The following PPM1L variants were observed in gnomAD, a reference collection of about 807,000 sequenced individuals.
PPM1L encodes the protein protein phosphatase, Mg2+/Mn2+ dependent 1L.
Under a neutral mutation model 31.4 loss-of-function variants are expected in PPM1L, and 13 were observed. The ratio of observed to expected loss-of-function variants is 0.41; its 90% CI spans 0.27 to 0.66. PPM1L has a LOEUF of 0.66. Ranked by LOEUF, PPM1L falls within the 30% of genes least tolerant of loss-of-function variation. PPM1L has a pLI of 0.29. For missense variants in PPM1L, 326 were observed against 453.7 expected, an observed-to-expected ratio of 0.72 and a Z score of 2.56; for synonymous variants, 184 against 175.4, an observed-to-expected ratio of 1.05 and a Z score of -0.39.
At chr3:161,000,675 A>G (rs1717452303) in intron 2 of PPM1L, among the ~76,000 whole-genome samples, 1 of 152,212 alleles carries the variant, frequency 6.6e-6, no homozygotes, top group Admixed American at 6.5e-5. Flanking sequence ...CTTTTATAAC[A>G]AAAAATATTG....
chr3:160,882,938 G>C (rs1312643755), intron 1 of PPM1L, among the ~76,000 whole-genome samples: 1 of 152,122 alleles, frequency 6.6e-6, no homozygotes, highest in Non-Finnish European at 1.5e-5. Flanking sequence ...TCCTCAGCTG[G>C]GTTCAGGGAT....
intron 1 of PPM1L, among the ~76,000 whole-genome samples, chr3:160,914,954 G>A (rs1714112750): frequency 6.6e-6 from 1 of 152,086 alleles, no homozygotes; most frequent in African/African-American, 2.4e-5. Flanking sequence ...AGCACCTGTT[G>A]TTTCCTGACT....
At position 161,047,161 on chromosome 3, in the gene PPM1L, C is replaced by T. The variant is rs1719108141; in HGVS notation, c.575-18242C>T. ...GAGGAAGTCAAATTGTCCCTGTTTG[C>T]AGGTGACATGATTGCATATTTAGAA... is the stretch of plus-strand genomic sequence containing the variant. On this transcript the variant is annotated intron_variant, in intron 2 of 3. Transcript: ENST00000498165. Among the ~76,000 whole-genome samples, 2 of 152,170 alleles carry T rather than the reference C, an allele frequency of 1.3e-5. 1 individual carries two copies. Among genetic ancestry groups the T allele is most frequent in the African/African-American group, 4.8e-5 (2 of 41,436 alleles).
chr3:161,045,801 C>A (rs1417780758), intron 2 of PPM1L, among the ~76,000 whole-genome samples: 7 of 152,048 alleles, frequency 4.6e-5, no homozygotes, highest in Admixed American at 1.3e-4. Context: ...TAGATAGAGA[C>A]ACAAAAAACC....
intron 2 of PPM1L, among the ~76,000 whole-genome samples, chr3:161,034,624 T>C (rs1007493942): frequency 6.7e-6 from 1 of 148,228 alleles, no homozygotes; most frequent in African/African-American, 2.5e-5. Context: ...TTCTCATTTA[T>C]AAGTGGGAGT....
chr3:160,875,041 C>G (rs549720038), intron 1 of PPM1L, among the ~76,000 whole-genome samples: 1 of 152,116 alleles, frequency 6.6e-6, no homozygotes, highest in Non-Finnish European at 1.5e-5. Flanking sequence ...GATTCATGAA[C>G]AAAATGAACA....
At chr3:160,930,621 A>G (rs543860975) in intron 1 of PPM1L, among the ~76,000 whole-genome samples, 87 of 152,348 alleles carry the variant, frequency 5.7e-4, no homozygotes, top group African/African-American at 2.0e-3. Flanking sequence ...AAATGCCAAC[A>G]GAAGACATGA....
chr3:161,000,330 A>G (rs961005342), intron 2 of PPM1L, among the ~76,000 whole-genome samples: 2 of 152,236 alleles, frequency 1.3e-5, no homozygotes, highest in African/African-American at 2.4e-5. Flanking sequence ...GCAGTGAAGG[A>G]TGAGGAAACA....
rs184459441 is a variant in PPM1L, at chr3:160,842,816, T to C, written c.399+86109T>C. Among the ~76,000 whole-genome samples, 52 of 152,342 alleles carry C rather than the reference T, an allele frequency of 3.4e-4. 2 individuals are homozygous for C. In the East Asian group the frequency reaches 9.9e-3, roughly 29 times the overall value. ...CCAACTGGAAGGGCCAAACCTGGCC[T>C]GCGGAGGATTGTTTTTAAAATCTGA... On this transcript the variant is annotated intron_variant, in intron 1 of 3. Coordinates refer to ENST00000498165, the MANE Select transcript of PPM1L (RefSeq NM_139245.4).
At chr3:160,778,213 C>T (rs944624997) in intron 1 of PPM1L, among the ~76,000 whole-genome samples, 2 of 149,872 alleles carry the variant, frequency 1.3e-5, no homozygotes, top group African/African-American at 2.5e-5. Context: ...AAGTTTTTTG[C>T]CTATTTTAAA....
At chr3:160,896,090 C>G (rs1327273837) in intron 1 of PPM1L, among the ~76,000 whole-genome samples, 1 of 152,144 alleles carries the variant, frequency 6.6e-6, no homozygotes, top group African/African-American at 2.4e-5. Flanking sequence ...AGGAGAAGGC[C>G]TTGCATATGA....
intron 1 of PPM1L, among the ~76,000 whole-genome samples, chr3:160,846,590 G>T (rs912670610): frequency 6.6e-6 from 1 of 152,060 alleles, no homozygotes; most frequent in African/African-American, 2.4e-5. Context: ...CTGTTATCTA[G>T]ATTAGATGGA....
At chr3:160,816,428 T>C (rs1201377646) in intron 1 of PPM1L, among the ~76,000 whole-genome samples, 1 of 151,742 alleles carries the variant, frequency 6.6e-6, no homozygotes, top group Non-Finnish European at 1.5e-5. Flanking sequence ...GATGCAAATA[T>C]GGCCTAAGGA....
chr3:160,796,312 G>T (rs1915929), intron 1 of PPM1L, among the ~76,000 whole-genome samples: 58,218 of 151,926 alleles, frequency 0.38, 12,070 homozygotes, highest in East Asian at 0.59. Context: ...GTTAGGTGGG[G>T]TCTGGGGCAG....
intron 1 of PPM1L, among the ~76,000 whole-genome samples, chr3:160,796,601 A>C (rs1712257753): frequency 6.6e-6 from 1 of 152,178 alleles, no homozygotes; most frequent in Non-Finnish European, 1.5e-5. Flanking sequence ...TGGCTATCTC[A>C]GCTGTTATCT....
intron 1 of PPM1L, among the ~76,000 whole-genome samples, chr3:160,868,352 T>C: frequency 6.6e-6 from 1 of 152,212 alleles, no homozygotes; most frequent in East Asian, 1.9e-4. Flanking sequence ...CTTCCTGGAC[T>C]GTGGCTTGTC....
intron 1 of PPM1L, among the ~76,000 whole-genome samples, chr3:160,922,948 T>C (rs1361502246): frequency 6.6e-6 from 1 of 152,204 alleles, no homozygotes; most frequent in Admixed American, 6.5e-5. Flanking sequence ...TACCTAAATA[T>C]TGGACCTGAT....
At chr3:161,062,679 C>G (rs910356717) in intron 2 of PPM1L, among the ~76,000 whole-genome samples, 1 of 152,260 alleles carries the variant, frequency 6.6e-6, no homozygotes, top group Non-Finnish European at 1.5e-5. Flanking sequence ...AAGAATGCCT[C>G]CTTCTCCCTT....
intron 1 of PPM1L, among the ~76,000 whole-genome samples, chr3:160,868,946 A>G (rs1712198412): frequency 6.6e-6 from 1 of 152,094 alleles, no homozygotes; most frequent in Admixed American, 6.5e-5. Context: ...TGGGTTTAAA[A>G]CTTCAAGGTC....
Sources: allele counts gnomAD v4.1 joint callset (sites outside exome capture counted in the v4.1 genomes callset), GRCh38; gene constraint gnomAD v4.1.1; transcripts MANE v1.5; gene names NCBI Gene and HGNC (gene_info 2026-07-23, HGNC 2026-07-21).